Variants in PINX1 observed in about 807,000 individuals in gnomAD.
PINX1 encodes PIN2 (TERF1) interacting telomerase inhibitor 1.
Under a neutral mutation model 25.4 loss-of-function variants are expected in PINX1, and 34 were observed. The ratio of observed to expected loss-of-function variants is 1.34; its 90% CI spans 1.02 to 1.78. The LOEUF (loss-of-function observed/expected upper bound fraction) is 1.78. Among genes scored for constraint, PINX1 ranks in the 40% most tolerant of loss-of-function variants. The pLI is 0.00. For missense variants in PINX1, 592 were observed against 404.9 expected (o/e 1.46, Z -3.97); for synonymous variants, 197 against 147.7 (o/e 1.33, Z -2.42).
At chr8:10,784,773 G>A (rs547746312) in intron 6 of PINX1, among the ~76,000 whole-genome samples, 7 of 152,350 alleles carry the variant, frequency 4.6e-5, no homozygotes, top group Admixed American at 3.9e-4. Context: ...AGGGGACAGA[G>A]GTGACTGAAG....
At chr8:10,827,826 G>C (rs1347836752) in intron 4 of PINX1, among the ~76,000 whole-genome samples, 1 of 150,820 alleles carries the variant, frequency 6.6e-6, no homozygotes, top group African/African-American at 2.4e-5. Flanking sequence ...CAGGAGAATG[G>C]CGTGAACCTG....
chr8:10,835,725 C>G (rs548374921), intron 1 of PINX1, among the ~76,000 whole-genome samples: 20 of 151,132 alleles, frequency 1.3e-4, no homozygotes, highest in African/African-American at 4.6e-4. Flanking sequence ...AGCAGGCACT[C>G]AATAAATATG....
intron 1 of PINX1, among the ~76,000 whole-genome samples, chr8:10,838,317 T>C (rs542734525): frequency 6.6e-6 from 1 of 152,318 alleles, no homozygotes; most frequent in African/African-American, 2.4e-5. Flanking sequence ...TTACATATTA[T>C]AATGACAAGG....
rs201016513 is a variant in PINX1 at position 10,765,631 on chromosome 8, T to A, written c.757A>T (p.Lys253Ter). ...AGCTGCTCTTCTGCTGGCGCGCTCT[T>A]CTTCTTGGCCACTCGCTCCTGGGCC... ...AEAQERVAKK[K>*]SAPAEEQLRG... Residue 253 changes from lysine (K) to a stop codon, truncating the protein, a stop_gained, in exon 7 of 7, where the codon AAG becomes TAG. Transcript: ENST00000314787. LOFTEE classifies it low-confidence loss of function (END_TRUNC). 353 of 1,613,884 alleles carry A rather than the reference T, an allele frequency of 2.2e-4. 1 individual carries two copies. The highest frequency in any genetic ancestry group is 2.8e-4 in the Non-Finnish European group (330 of 1,179,874).
At chr8:10,800,373 C>T (rs956618428) in intron 6 of PINX1, among the ~76,000 whole-genome samples, 2 of 152,074 alleles carry the variant, frequency 1.3e-5, no homozygotes, top group African/African-American at 4.8e-5. Flanking sequence ...GATTCTTTTA[C>T]TGAAAGAGCT....
intron 6 of PINX1, among the ~76,000 whole-genome samples, chr8:10,815,104 C>T (rs757006362): frequency 6.6e-6 from 1 of 152,076 alleles, no homozygotes; most frequent in Non-Finnish European, 1.5e-5. Context: ...CTGAGCCTGG[C>T]TAATTTTTTA....
intron 6 of PINX1, among the ~76,000 whole-genome samples, chr8:10,784,600 A>C (rs906695858): frequency 1.3e-5 from 2 of 152,238 alleles, no homozygotes; most frequent in African/African-American, 4.8e-5. Context: ...TAAACCTCAC[A>C]AAACCTAGTT....
At chr8:10,806,512 A>G (rs1168299808) in intron 6 of PINX1, among the ~76,000 whole-genome samples, 1 of 152,200 alleles carries the variant, frequency 6.6e-6, no homozygotes, top group Non-Finnish European at 1.5e-5. Context: ...AACAGTTTAT[A>G]ACATTGTGGA....
intron 2 of PINX1, 55 bp from the exon 3 acceptor site, chr8:10,833,039 C>G (rs1586211954): frequency 1.0e-6 from 1 of 967,096 alleles, no homozygotes; most frequent in Non-Finnish European, 1.5e-6. Context: ...TACTCAGAAG[C>G]AGAGCACTGC....
At chr8:10,773,396 G>GA (rs758211220) in intron 6 of PINX1, among the ~76,000 whole-genome samples, 4 of 152,166 alleles carry the variant, frequency 2.6e-5, no homozygotes, top group South Asian at 2.1e-4. Flanking sequence ...AGCCAGTAAA[G>GA]AAAAAATTTG....
At chr8:10,777,650 G>C (rs551533826) in intron 6 of PINX1, among the ~76,000 whole-genome samples, 5 of 152,132 alleles carry the variant, frequency 3.3e-5, no homozygotes, top group Non-Finnish European at 7.4e-5. Flanking sequence ...AAAATGGTTT[G>C]GTCCCCCCAA....
intron 6 of PINX1, among the ~76,000 whole-genome samples, chr8:10,780,666 A>C (rs1004092706): frequency 3.3e-5 from 5 of 152,192 alleles, no homozygotes; most frequent in African/African-American, 9.7e-5. Flanking sequence ...TAGGAGGTAA[A>C]AGACCTGTAC....
At chr8:10,788,877 G>T (rs1007779645) in intron 6 of PINX1, among the ~76,000 whole-genome samples, 4 of 151,990 alleles carry the variant, frequency 2.6e-5, no homozygotes, top group African/African-American at 9.7e-5. Flanking sequence ...ACTAATGTTA[G>T]AACAGGGTTT....
At chr8:10,809,329 A>G (rs769647046) in intron 6 of PINX1, among the ~76,000 whole-genome samples, 1 of 152,262 alleles carries the variant, frequency 6.6e-6, no homozygotes, top group Non-Finnish European at 1.5e-5. Flanking sequence ...TTCAAGCGAA[A>G]GAGTAGCCTT....
intron 6 of PINX1, among the ~76,000 whole-genome samples, chr8:10,811,812 G>A (rs1293154156): frequency 2.0e-5 from 3 of 152,158 alleles, no homozygotes; most frequent in Non-Finnish European, 4.4e-5. Flanking sequence ...TCCAGCCAAC[G>A]AGGCCTCAGA....
At chr8:10,789,346 T>C (rs1273682726) in intron 6 of PINX1, among the ~76,000 whole-genome samples, 2 of 152,246 alleles carry the variant, frequency 1.3e-5, no homozygotes. Flanking sequence ...ATGTGATGTT[T>C]TGACCTACAT....
chr8:10,798,821 C>T (rs77473621), intron 6 of PINX1, among the ~76,000 whole-genome samples: 1,738 of 152,276 alleles, frequency 0.011, 34 homozygotes, highest in African/African-American at 0.04. Context: ...TAGTGTCGAG[C>T]CAGAGCCTAC....
intron 6 of PINX1, among the ~76,000 whole-genome samples, chr8:10,769,118 T>C (rs1192840921): frequency 6.6e-6 from 1 of 152,224 alleles, no homozygotes; most frequent in Non-Finnish European, 1.5e-5. Context: ...TCTGGTTCCA[T>C]ATAAAATACT....
At position 10,765,700 on chromosome 8, in the gene PINX1, G is replaced by C; in HGVS notation, c.688C>G (p.Pro230Ala). 6.2e-7 allele frequency: 1 copy of C among 1,613,964 alleles called. No individual in the cohort carries two copies. The highest frequency in any genetic ancestry group is 8.5e-7 in the Non-Finnish European group (1 of 1,179,882). Reference protein sequence around the residue: ...TGKDVESYLQPKAKRHTEGKP... With the variant: ...TGKDVESYLQAKAKRHTEGKP... ...CCCTCCGTGTGCCTCTTGGCCTTAG[G>C]CTGGAGGTAACTTTCCACATCTTTA... The change falls in exon 7 of 7, where the codon CCT becomes GCT. Residue 230 changes from proline to alanine, a missense_variant. Coordinates refer to ENST00000314787, the MANE Select transcript of PINX1 (RefSeq NM_017884.6).
Sources: gnomAD v4.1 joint callset for allele counts (sites outside exome capture counted in the v4.1 genomes callset) on GRCh38, gnomAD v4.1.1 for gene constraint, MANE v1.5 for transcripts, NCBI Gene and HGNC (gene_info 2026-07-23, HGNC 2026-07-21) for gene names.